The following ANKS1B variants were observed in gnomAD, a reference collection of about 807,000 sequenced individuals.
ANKS1B encodes the protein ankyrin repeat and sterile alpha motif domain-containing protein 1B.
A neutral mutation model predicts 148.3 loss-of-function variants in ANKS1B; 36 were observed. The observed-to-expected ratio is 0.24, with a 90% CI of 0.19 to 0.32. The LOEUF is 0.32. Ranked by LOEUF, ANKS1B falls within the 10% of genes least tolerant of loss-of-function variation. ANKS1B has a pLI of 1.00. For synonymous variants in ANKS1B, 542 were observed against 560.8 expected, an observed-to-expected ratio of 0.97 and a Z score of 0.47; for missense variants, 1,157 against 1,542.6, an observed-to-expected ratio of 0.75 and a Z score of 4.19.
chr12:99,236,656 C>T (rs1204445892), intron 14 of ANKS1B, among the ~76,000 whole-genome samples: 1 of 152,166 alleles, frequency 6.6e-6, no homozygotes, highest in Non-Finnish European at 1.5e-5. Flanking sequence ...CCCTTTCTTT[C>T]TTTCTCTTGC....
chr12:99,299,481 TTTTC>T (rs1244220495), intron 12 of ANKS1B, among the ~76,000 whole-genome samples: 3 of 152,206 alleles, frequency 2.0e-5, no homozygotes, highest in Admixed American at 6.5e-5. Context: ...CTCTTACGCT[TTTTC>T]TTTCTTTATT....
intron 8 of ANKS1B, among the ~76,000 whole-genome samples, chr12:99,671,544 T>G (rs1424894100): frequency 6.6e-6 from 1 of 152,134 alleles, no homozygotes; most frequent in Non-Finnish European, 1.5e-5. Context: ...TCTATCATAT[T>G]TTAAGCCATT....
chr12:99,942,779 T>C (rs2094952769), intron 1 of ANKS1B, among the ~76,000 whole-genome samples: 1 of 152,022 alleles, frequency 6.6e-6, no homozygotes, highest in Non-Finnish European at 1.5e-5. Context: ...ATGGAGCTTG[T>C]ATGTCTAAGC....
intron 8 of ANKS1B, among the ~76,000 whole-genome samples, chr12:99,673,769 T>A (rs1244504656): frequency 6.6e-6 from 1 of 151,746 alleles, no homozygotes; most frequent in Non-Finnish European, 1.5e-5. Flanking sequence ...AATATTGAAA[T>A]AAATTAAATA....
chr12:99,919,791 A>AAAAAAAAAAAAAAAAAAAAAAAAAC (rs752118693), intron 1 of ANKS1B, among the ~76,000 whole-genome samples: 1 of 151,796 alleles, frequency 6.6e-6, no homozygotes. Context: ...AAAAAAAAAA[A>AAAAAAAAAAAAAAAAAAAAAAAAAC]AAACCTGGAT....
At chr12:98,812,048 T>C (rs17227697) in intron 19 of ANKS1B, among the ~76,000 whole-genome samples, 14,424 of 152,290 alleles carry the variant, frequency 0.095, 766 homozygotes, top group Non-Finnish European at 0.12. Context: ...GTACATTTTT[T>C]AGATGTTATA....
At position 98,782,907 on chromosome 12, in the gene ANKS1B, G is replaced by A. The variant is rs369889925; in HGVS notation, c.3343-770C>T. ...CTTCTTCCAACCACTTCTTAAAAAT[G>A]TGCAAGACACATCAAAGGCAGGCTA... On this transcript the variant is annotated intron_variant, in intron 22 of 26. Transcript: ENST00000683438. Among the ~76,000 whole-genome samples the A allele has an allele frequency of 2.6e-5, 4 of 152,198 alleles. No homozygotes were observed. In the South Asian group the frequency reaches 6.2e-4, roughly 24 times the overall value.
At chr12:99,059,831 A>C (rs1417082210) in intron 16 of ANKS1B, among the ~76,000 whole-genome samples, 1 of 133,450 alleles carries the variant, frequency 7.5e-6, no homozygotes, top group African/African-American at 2.8e-5. Context: ...ACTAAAGGTC[A>C]GATGGCATTC....
At chr12:98,757,770 C>T (rs566725367) in intron 25 of ANKS1B, among the ~76,000 whole-genome samples, 1 of 152,338 alleles carries the variant, frequency 6.6e-6, no homozygotes, top group Non-Finnish European at 1.5e-5. Flanking sequence ...TGGCCTGTCT[C>T]CGACCTTGGC....
intron 12 of ANKS1B, among the ~76,000 whole-genome samples, chr12:99,326,446 G>A (rs1037055821): frequency 6.6e-6 from 1 of 152,104 alleles, no homozygotes; most frequent in Admixed American, 6.6e-5. Flanking sequence ...AATTTTGTGA[G>A]AGTTTCAATC....
Position 99,833,887 on chromosome 12 carries a change from G to A in ANKS1B, c.135-8498C>T, listed in dbSNP as rs534003946. Among the ~76,000 whole-genome samples, 7 of 151,788 alleles carry A rather than the reference G, an allele frequency of 4.6e-5. No homozygotes were observed. The East Asian group carries it at 7.8e-4, about 17-fold the overall frequency. On this transcript the variant is annotated intron_variant, in intron 1 of 26. Transcript: ENST00000683438. Reference sequence around the variant, plus strand: ...ATTTTTAATAACTCCATTGAATGTCGCCTTCTCCTAGCAAAATGGATATGG... The same window carrying A: ...ATTTTTAATAACTCCATTGAATGTCACCTTCTCCTAGCAAAATGGATATGG...
At chr12:99,397,223 G>A (rs1369799378) in intron 12 of ANKS1B, among the ~76,000 whole-genome samples, 2 of 152,220 alleles carry the variant, frequency 1.3e-5, no homozygotes, top group East Asian at 1.9e-4. Context: ...CTATCTGCCA[G>A]GCACTGTGTT....
chr12:99,629,457 C>T (rs911653175), intron 9 of ANKS1B, among the ~76,000 whole-genome samples: 10 of 152,138 alleles, frequency 6.6e-5, no homozygotes, highest in African/African-American at 2.2e-4. Flanking sequence ...ACTACTTACA[C>T]TATTGAGTAA....
chr12:99,531,137 C>T (rs1434102027), intron 9 of ANKS1B, among the ~76,000 whole-genome samples: 1 of 152,170 alleles, frequency 6.6e-6, no homozygotes, highest in Admixed American at 6.5e-5. Flanking sequence ...GACTACATAG[C>T]TTGCTTTCTT....
At chr12:98,920,738 C>G (rs1197055461) in intron 17 of ANKS1B, among the ~76,000 whole-genome samples, 3 of 152,156 alleles carry the variant, frequency 2.0e-5, no homozygotes. Context: ...AAGTCTTGGT[C>G]CATGTACCTC....
chr12:99,394,900 G>T (rs2094194792), intron 12 of ANKS1B, among the ~76,000 whole-genome samples: 1 of 147,824 alleles, frequency 6.8e-6, no homozygotes, highest in Non-Finnish European at 1.5e-5. Context: ...TTAACTCCTG[G>T]TATTTCTCAC....
At chr12:99,495,542 C>G (rs896558092) in intron 10 of ANKS1B, among the ~76,000 whole-genome samples, 3 of 152,168 alleles carry the variant, frequency 2.0e-5, no homozygotes, top group Non-Finnish European at 4.4e-5. Context: ...CATCCATGAA[C>G]TAGCACTGGT....
chr12:98,794,446 G>C, intron 22 of ANKS1B: 1 of 225,228 alleles, frequency 4.4e-6, no homozygotes. Flanking sequence ...AGCTTGGCAA[G>C]CTTGGCGTTT....
At chr12:99,169,723 C>T (rs2077553220) in intron 14 of ANKS1B, among the ~76,000 whole-genome samples, 1 of 152,178 alleles carries the variant, frequency 6.6e-6, no homozygotes, top group African/African-American at 2.4e-5. Context: ...TGTATTGGCT[C>T]ACTTTATTTT....
Sources: gnomAD v4.1 joint callset for allele counts (sites outside exome capture counted in the v4.1 genomes callset) on GRCh38, gnomAD v4.1.1 for gene constraint, MANE v1.5 for transcripts, NCBI Gene and HGNC (gene_info 2026-07-23, HGNC 2026-07-21) for gene names.